MAPRE2: variants seen among roughly 807,000 people sequenced by gnomAD.
MAPRE2 encodes the protein microtubule-associated protein RP/EB family member 2.
In MAPRE2, 13 loss-of-function variants were observed where a neutral mutation model predicts 43.2. The observed-to-expected ratio is 0.30, with a 90% confidence interval of 0.20 to 0.48. The LOEUF (loss-of-function observed/expected upper bound fraction) is 0.48, where lower values mean the gene tolerates loss of function less well. Ranked by LOEUF, MAPRE2 falls within the 20% of genes least tolerant of loss-of-function variation. The pLI, the probability that MAPRE2 is intolerant of heterozygous loss-of-function variation, is 0.99. For missense variants in MAPRE2, 161 were observed against 400.2 expected (o/e 0.40, Z 5.10); for synonymous variants, 135 against 148.8 (o/e 0.91, Z 0.68).
intron 4 of MAPRE2, among the ~76,000 whole-genome samples, chr18:35,119,763 A>C (rs1421222694): frequency 6.6e-6 from 1 of 152,214 alleles, no homozygotes; most frequent in Non-Finnish European, 1.5e-5. Flanking sequence ...TTTATACAGT[A>C]GTTGTTCACT....
chr18:35,093,086 C>T (rs954258722), intron 2 of MAPRE2, among the ~76,000 whole-genome samples: 9 of 151,724 alleles, frequency 5.9e-5, no homozygotes, highest in African/African-American at 1.9e-4. Flanking sequence ...CTGGCGGGTG[C>T]CTGTAGTCCC....
chr18:35,119,949 C>T (rs1909597581), intron 4 of MAPRE2, among the ~76,000 whole-genome samples: 1 of 152,128 alleles, frequency 6.6e-6, no homozygotes, highest in African/African-American at 2.4e-5. Flanking sequence ...ATGTAAGCTA[C>T]CATTTATTGA....
Position 35,140,876 on chromosome 18 carries a change from T to A in MAPRE2, c.*507T>A, listed in dbSNP as rs1910604915. On this transcript the variant is annotated 3_prime_UTR_variant, in exon 7 of 7. Transcript: ENST00000300249. ...AACAAAGGGAAACAGATACTTGATA[T>A]GAAAGCCATAATGACGGTGACTTGT... The A allele has an allele frequency of 6.5e-6, 1 of 153,190 alleles. No individual in the cohort carries two copies. The highest frequency in any genetic ancestry group is 2.1e-4 in the South Asian group (1 of 4,862). 9.5% of individuals were successfully genotyped at this position (153,190 alleles called of 1,614,324 possible).
intron 2 of MAPRE2, among the ~76,000 whole-genome samples, chr18:35,023,921 A>G (rs1244750500): frequency 1.3e-5 from 2 of 152,120 alleles, no homozygotes; most frequent in Non-Finnish European, 1.5e-5. Flanking sequence ...ATTTTACTAT[A>G]TTGTCAAATA....
Position 35,013,741 on chromosome 18 carries a change from A to G in MAPRE2, c.-8+8188A>G, listed in dbSNP as rs80192894. Among the ~76,000 whole-genome samples, 695 of 152,196 alleles carry G rather than the reference A, an allele frequency of 4.6e-3. 4 individuals are homozygous for G. The highest frequency in any genetic ancestry group is 0.015 in the African/African-American group (640 of 41,526). On this transcript the variant is annotated intron_variant, in intron 2 of 7. Transcript: ENST00000413393. ...ACTTCTATGAAATCAACTTTTGTTT[A>G]GTAATAGCTTTCACGTATTAGTGAG...
chr18:35,035,872 G>A (rs2097050284), intron 2 of MAPRE2, among the ~76,000 whole-genome samples: 1 of 132,604 alleles, frequency 7.5e-6, no homozygotes, highest in African/African-American at 2.8e-5. Flanking sequence ...CTGAATGAGA[G>A]CGCTCACAGC....
intron 2 of MAPRE2, among the ~76,000 whole-genome samples, chr18:35,015,633 A>AGT (rs3082290): frequency 0.061 from 8,266 of 134,748 alleles, 269 homozygotes; most frequent in African/African-American, 0.095. Flanking sequence ...TAGGGATGGC[A>AGT]GTGTGTGTGT....
At chr18:35,045,138 A>G (rs2150600836) in intron 1 of MAPRE2, among the ~76,000 whole-genome samples, 1 of 152,314 alleles carries the variant, frequency 6.6e-6, no homozygotes, top group Non-Finnish European at 1.5e-5. Context: ...GTGTTTATGA[A>G]TGCTAGAAAT....
intron 2 of MAPRE2, among the ~76,000 whole-genome samples, chr18:35,032,614 G>T (rs150576595): frequency 6.6e-6 from 1 of 152,100 alleles, no homozygotes; most frequent in Admixed American, 6.5e-5. Flanking sequence ...ATTAAAATTC[G>T]AGTTAATGCC....
At chr18:35,023,003 CA>C (rs926036528) in intron 2 of MAPRE2, among the ~76,000 whole-genome samples, 84 of 152,064 alleles carry the variant, frequency 5.5e-4, no homozygotes, top group African/African-American at 1.9e-3. Context: ...TTTTATAATA[CA>C]AAATAGATAC....
At position 34,984,867 on chromosome 18, in the gene MAPRE2, A is replaced by T. The variant is rs868778732; in HGVS notation, c.-70+7788A>T. The stretch of plus-strand genomic sequence containing the variant: ...ATGTTATATAACATATAAAATATAT[A>T]ATATATTTTATGTTATATAATATAT... On this transcript the variant is annotated intron_variant, in intron 1 of 7. Coordinates refer to the MAPRE2 transcript ENST00000413393. Among the ~76,000 whole-genome samples, 188 of 85,858 alleles carry T rather than the reference A, an allele frequency of 2.2e-3. 3 individuals carry two copies. The highest frequency in any genetic ancestry group is 7.9e-3 in the African/African-American group (178 of 22,638). The allele number at this position is 85,858 out of a possible 152,430, so 56.3% of individuals were successfully genotyped here.
At chr18:35,027,768 G>A (rs1194164647) in intron 2 of MAPRE2, among the ~76,000 whole-genome samples, 1 of 152,154 alleles carries the variant, frequency 6.6e-6, no homozygotes, top group Non-Finnish European at 1.5e-5. Flanking sequence ...ATGGTTTTGT[G>A]GACCAGGAGT....
At chr18:35,038,235 C>T (rs955494925), upstream of MAPRE2, among the ~76,000 whole-genome samples, 4 of 152,204 alleles carry the variant, frequency 2.6e-5, no homozygotes, top group Non-Finnish European at 5.9e-5. Flanking sequence ...CCTCTGATAG[C>T]AACATCTCCT....
intron 1 of MAPRE2, among the ~76,000 whole-genome samples, chr18:34,983,001 T>C (rs1603385735): frequency 1.3e-5 from 2 of 152,342 alleles, no homozygotes; most frequent in South Asian, 4.1e-4. Flanking sequence ...TCTATGGCTG[T>C]GGCAGCATGG....
intron 2 of MAPRE2, among the ~76,000 whole-genome samples, chr18:35,024,489 A>T (rs1186424666): frequency 6.6e-6 from 1 of 151,970 alleles, no homozygotes; most frequent in Non-Finnish European, 1.5e-5. Flanking sequence ...ATGCAAATGA[A>T]CCTATTTCAG....
rs751273259 is a variant in MAPRE2, at chr18:35,127,045, C to T, written c.708C>T (p.Ser236=). 14 of 1,613,934 alleles carry T rather than the reference C, an allele frequency of 8.7e-6. No homozygotes were observed. In the Middle Eastern group the frequency reaches 8.2e-4, roughly 95 times the overall value. ...RASSSGSASK[S]DKDLETQVIQ... is the part of the protein sequence containing the mutation. ...CTTCCAGTGGCTCAGCATCCAAATC[C>T]GATAAAGATTTAGAAACGCAGGTCA... The change falls in exon 5 of 7, where the codon TCC becomes TCT. Residue 236 remains serine, a synonymous_variant. Transcript: ENST00000300249.
intron 1 of MAPRE2, among the ~76,000 whole-genome samples, chr18:35,002,108 T>G (rs2097029680): frequency 6.6e-6 from 1 of 152,196 alleles, no homozygotes; most frequent in African/African-American, 2.4e-5. Flanking sequence ...CCCCCTCCTC[T>G]TAACCCCTGG....
chr18:34,987,162 C>T (rs900954802), intron 1 of MAPRE2, among the ~76,000 whole-genome samples: 9 of 152,090 alleles, frequency 5.9e-5, no homozygotes, highest in South Asian at 2.1e-4. Context: ...ACTTTCTATT[C>T]TTTCACCAAT....
intron 2 of MAPRE2, among the ~76,000 whole-genome samples, chr18:35,035,079 A>C (rs1028257815): frequency 1.9e-4 from 29 of 152,202 alleles, no homozygotes; most frequent in Non-Finnish European, 3.1e-4. Flanking sequence ...TTATTGCGGC[A>C]CTATTCACTA....
Sources: gnomAD v4.1 joint callset for allele counts (sites outside exome capture counted in the v4.1 genomes callset) on GRCh38, gnomAD v4.1.1 for gene constraint, MANE v1.5 for transcripts, NCBI Gene and HGNC (gene_info 2026-07-23, HGNC 2026-07-21) for gene names.